Variants in GRID1 observed in about 807,000 individuals in gnomAD.
The protein encoded by GRID1 is glutamate receptor ionotropic, delta-1.
A neutral mutation model predicts 98.0 loss-of-function variants in GRID1; 28 were observed. That is an observed-to-expected ratio of 0.29 (90% confidence interval 0.21 to 0.39). The LOEUF (loss-of-function observed/expected upper bound fraction) is 0.39, where lower values mean the gene tolerates loss of function less well. GRID1 is among the 10% of genes least tolerant of loss of function. GRID1 has a pLI of 1.00. For missense variants in GRID1, 1,111 were observed against 1,340.5 expected (o/e 0.83, Z 2.67); for synonymous variants, 553 against 538.5 (o/e 1.03, Z -0.37).
intron 12 of GRID1, among the ~76,000 whole-genome samples, chr10:85,707,983 G>C (rs1841539655): frequency 2.6e-5 from 4 of 152,002 alleles, no homozygotes; most frequent in African/African-American, 9.7e-5. Context: ...GGTGTGGGGA[G>C]GGATAGCATT....
intron 4 of GRID1, among the ~76,000 whole-genome samples, chr10:85,991,270 C>A (rs1018351799): frequency 3.9e-5 from 6 of 152,106 alleles, no homozygotes; most frequent in Admixed American, 2.6e-4. Context: ...TGGACTCAAG[C>A]AACCAGCTGC....
At chr10:85,984,734 C>G (rs978533835) in intron 4 of GRID1, among the ~76,000 whole-genome samples, 1 of 152,106 alleles carries the variant, frequency 6.6e-6, no homozygotes, top group Non-Finnish European at 1.5e-5. Flanking sequence ...CCTTCACAAG[C>G]AACTGATCAA....
At chr10:85,929,154 G>GA (rs1448296767) in intron 4 of GRID1, among the ~76,000 whole-genome samples, 1 of 152,222 alleles carries the variant, frequency 6.6e-6, no homozygotes, top group African/African-American at 2.4e-5. Flanking sequence ...GGGTGTGTGA[G>GA]AAACAGTTGT....
chr10:85,889,742 T>G (rs964356043), intron 5 of GRID1, among the ~76,000 whole-genome samples: 1 of 152,190 alleles, frequency 6.6e-6, no homozygotes, highest in South Asian at 2.1e-4. Flanking sequence ...TTTTAATTTT[T>G]TGAGAAACCT....
intron 8 of GRID1, among the ~76,000 whole-genome samples, chr10:85,809,598 G>A (rs1488809139): frequency 6.6e-6 from 1 of 152,192 alleles, no homozygotes; most frequent in South Asian, 2.1e-4. Context: ...TAATTAGAAA[G>A]ACCTGCCACA....
intron 8 of GRID1, among the ~76,000 whole-genome samples, chr10:85,769,567 G>T (rs192014896): frequency 2.5e-4 from 38 of 152,306 alleles, no homozygotes; most frequent in South Asian, 1.0e-3. Flanking sequence ...TTCCCTTTCC[G>T]AGTCAAAGAA....
intron 4 of GRID1, among the ~76,000 whole-genome samples, chr10:85,974,056 C>T (rs1269449331): frequency 6.6e-6 from 1 of 152,148 alleles, no homozygotes; most frequent in African/African-American, 2.4e-5. Context: ...GCAGTGTATA[C>T]CTGGGGCATA....
rs758387782 is a variant in GRID1 at position 85,647,320 on chromosome 10, C to T, written c.2075G>A (p.Arg692Gln). Residue 692 changes from arginine (R) to glutamine (Q), a missense_variant, in exon 13 of 16, where the codon CGA becomes CAA. Coordinates refer to ENST00000327946, the MANE Select transcript of GRID1 (RefSeq NM_017551.3). ...VRDSAVYEYF[R>Q]AKGTNPLEQD... The stretch of plus-strand genomic sequence containing the variant: ...CTCCAGGGGGTTGGTGCCCTTGGCT[C>T]GGAAGTACTCATATACAGCAGAATC... 2.9e-5 allele frequency: 47 copies of T among 1,614,050 alleles called. No individual in the cohort carries two copies. Among genetic ancestry groups the T allele is most frequent in the Non-Finnish European group, 3.7e-5 (44 of 1,180,018 alleles).
chr10:85,803,937 T>G (rs190045893), intron 8 of GRID1, among the ~76,000 whole-genome samples: 180 of 152,046 alleles, frequency 1.2e-3, no homozygotes, highest in African/African-American at 4.1e-3. Flanking sequence ...ATTTATATTT[T>G]TTTAAAAGAG....
chr10:86,355,556 T>C (rs1188198959), intron 2 of GRID1, among the ~76,000 whole-genome samples: 1 of 152,100 alleles, frequency 6.6e-6, no homozygotes, highest in African/African-American at 2.4e-5. Context: ...CTACACTGCC[T>C]ACAGCTTGGA....
chr10:85,997,887 G>A (rs1275783089), intron 4 of GRID1, among the ~76,000 whole-genome samples: 2 of 152,048 alleles, frequency 1.3e-5, no homozygotes, highest in Non-Finnish European at 2.9e-5. Flanking sequence ...ACATATTGTG[G>A]AAACACTAAT....
chr10:86,208,189 T>C (rs1420937370), intron 2 of GRID1, among the ~76,000 whole-genome samples: 2 of 152,136 alleles, frequency 1.3e-5, no homozygotes, highest in Non-Finnish European at 2.9e-5. Flanking sequence ...CTGCCCTCCA[T>C]GCAAGGGCGC....
chr10:85,927,640 G>T (rs1340972328), intron 4 of GRID1, among the ~76,000 whole-genome samples: 1 of 152,140 alleles, frequency 6.6e-6, no homozygotes, highest in Non-Finnish European at 1.5e-5. Flanking sequence ...GCTATACCCG[G>T]TGTTTATTTT....
At chr10:86,107,864 G>A (rs1027403244) in intron 4 of GRID1, among the ~76,000 whole-genome samples, 1 of 152,100 alleles carries the variant, frequency 6.6e-6, no homozygotes, top group Non-Finnish European at 1.5e-5. Context: ...CCCAACTCCA[G>A]GGGAAAACCA....
chr10:85,905,626 G>A (rs181352642), intron 5 of GRID1, among the ~76,000 whole-genome samples: 7 of 152,096 alleles, frequency 4.6e-5, no homozygotes, highest in African/African-American at 7.2e-5. Context: ...AGGGTAACAC[G>A]GAGGGATACT....
At chr10:86,277,732 T>C (rs1325962493) in intron 2 of GRID1, among the ~76,000 whole-genome samples, 1 of 151,894 alleles carries the variant, frequency 6.6e-6, no homozygotes, top group Admixed American at 6.6e-5. Context: ...TCAAAGTGTT[T>C]CACTACCAAA....
chr10:86,148,754 G>A (rs978095076), intron 3 of GRID1, among the ~76,000 whole-genome samples: 2 of 152,032 alleles, frequency 1.3e-5, no homozygotes, highest in African/African-American at 4.8e-5. Context: ...AAAAAAAAAG[G>A]AAAACACTAT....
chr10:86,205,810 A>G (rs1326367892), intron 3 of GRID1, among the ~76,000 whole-genome samples: 1 of 152,104 alleles, frequency 6.6e-6, no homozygotes, highest in Non-Finnish European at 1.5e-5. Flanking sequence ...ATTTTTTTTC[A>G]TATGAGAGGT....
chr10:85,704,572 T>C (rs1021804114), intron 12 of GRID1, among the ~76,000 whole-genome samples: 11 of 152,000 alleles, frequency 7.2e-5, no homozygotes, highest in African/African-American at 2.7e-4. Context: ...AGACAGAAAG[T>C]TAACAAGGAT....
Sources: allele counts gnomAD v4.1 joint callset (sites outside exome capture counted in the v4.1 genomes callset), GRCh38; gene constraint gnomAD v4.1.1; transcripts MANE v1.5; gene names NCBI Gene and HGNC (gene_info 2026-07-23, HGNC 2026-07-21).